DST: variants seen among roughly 807,000 people sequenced by gnomAD.
DST encodes dystonin, also known as bullous pemphigoid antigen.
Under a neutral mutation model 875.2 loss-of-function variants are expected in DST, and 253 were observed. The observed-to-expected ratio is 0.29, with a 90% CI of 0.26 to 0.32. The LOEUF (loss-of-function observed/expected upper bound fraction) is 0.32. DST is among the 10% of genes least tolerant of loss of function. DST has a pLI of 1.00. For synonymous variants in DST, 3,124 were observed against 3,197.1 expected (o/e 0.98, Z 0.77); for missense variants, 8,287 against 9,111.6 (o/e 0.91, Z 3.68).
rs553565569 is a variant in DST at position 56,481,908 on chromosome 6, A to C, written c.21531+142T>G. 404 of 890,198 alleles carry C rather than the reference A, an allele frequency of 4.5e-4. 1 individual carries two copies. The highest frequency in any genetic ancestry group is 6.5e-4 in the Non-Finnish European group (376 of 580,896). 55.1% of individuals were successfully genotyped at this position (890,198 alleles called of 1,614,324 possible). A position where few individuals can be genotyped will look rare whatever the true frequency, so the allele number is the denominator to read the frequency against. On this transcript the variant is annotated intron_variant, in intron 90 of 103. Coordinates refer to ENST00000680361, the MANE Select transcript of DST (RefSeq NM_001374736.1). The stretch of plus-strand genomic sequence containing the variant: ...ATACATATGTAAGCAATGTGGACAG[A>C]AGTACACTCTCAAATGTATCAGGTG...
chr6:56,759,803 T>C (rs527338328), intron 4 of DST, among the ~76,000 whole-genome samples: 76 of 152,238 alleles, frequency 5.0e-4, no homozygotes, highest in African/African-American at 1.7e-3. Flanking sequence ...AGCCTCTCAT[T>C]AAACAGCTAC....
intron 5 of DST, among the ~76,000 whole-genome samples, chr6:56,724,405 T>G (rs2099437204): frequency 6.6e-6 from 1 of 152,214 alleles, no homozygotes; most frequent in Non-Finnish European, 1.5e-5. Flanking sequence ...GTATTGGTGT[T>G]TGGAGATTCC....
Position 56,509,866 on chromosome 6 carries a change from T to C in DST, c.18788A>G (p.Asp6263Gly), listed in dbSNP as rs745569521. The change falls in exon 74 of 104, where the codon GAC becomes GGC. Residue 6263 changes from aspartate (D) to glycine (G), a missense_variant. This residue lies in a region of DST where 1,292 missense variants were observed against 1,552.7 expected (regional missense o/e 0.83). Coordinates refer to ENST00000680361, the MANE Select transcript of DST (RefSeq NM_001374736.1). ...EAISQSTQFH[D>G]KIDQILESLE... ...GCTCTCAAGGATCTGATCTATCTTG[T>C]CATGGAACTAGGGGCAAAACAAAGA... 8 of 1,600,932 alleles carry C rather than the reference T, an allele frequency of 5.0e-6. No individual in the cohort carries two copies. The highest frequency in any genetic ancestry group is 1.7e-4 in the Middle Eastern group (1 of 6,014).
At chr6:56,622,492 T>C (rs1461220773) in intron 36 of DST, among the ~76,000 whole-genome samples, 1 of 144,592 alleles carries the variant, frequency 6.9e-6, no homozygotes, top group Non-Finnish European at 1.5e-5. Context: ...AGTGAATTAC[T>C]TGAACCCAGG....
chr6:56,468,224 A>T (rs758201561), intron 98 of DST, among the ~76,000 whole-genome samples: 1 of 152,178 alleles, frequency 6.6e-6, no homozygotes, highest in Admixed American at 6.5e-5. Flanking sequence ...GTATCTCCTT[A>T]GTTTCAAAAT....
intron 3 of DST, among the ~76,000 whole-genome samples, chr6:56,876,190 G>A (rs1447176945): frequency 1.3e-5 from 2 of 152,114 alleles, no homozygotes; most frequent in African/African-American, 4.8e-5. Flanking sequence ...GAGGACTTTG[G>A]AACCTGACTC....
At chr6:56,521,849 C>T (rs1173205314) in intron 69 of DST, among the ~76,000 whole-genome samples, 3 of 151,958 alleles carry the variant, frequency 2.0e-5, no homozygotes, top group South Asian at 2.1e-4. Context: ...AAACATGGCT[C>T]ACTTTATATG....
intron 49 of DST, among the ~76,000 whole-genome samples, chr6:56,588,477 G>T (rs2098207150): frequency 6.6e-6 from 1 of 152,122 alleles, no homozygotes; most frequent in South Asian, 2.1e-4. Context: ...AATACCCTGT[G>T]ACTATTATTG....
intron 2 of DST, among the ~76,000 whole-genome samples, chr6:56,919,499 A>T (rs1802972957): frequency 6.6e-6 from 1 of 152,190 alleles, no homozygotes; most frequent in Non-Finnish European, 1.5e-5. Context: ...TTTCCTAAAT[A>T]TGTTAACTTT....
In DST at chr6:56,860,818, G is replaced by A. The variant is rs1427698571; in HGVS notation, c.418-9214C>T. ...TGTGTCACCTTAATAACAGCTCTCA[G>A]GATACAAAGTCCATGAGTTCCGTAT... On this transcript the variant is annotated intron_variant, in intron 3 of 103. Coordinates refer to ENST00000680361, the MANE Select transcript of DST (RefSeq NM_001374736.1). Among the ~76,000 whole-genome samples, 6 of 152,112 alleles carry A rather than the reference G, an allele frequency of 3.9e-5. No homozygotes were observed. The East Asian group carries it at 1.2e-3, about 29-fold the overall frequency.
At chr6:56,524,919 T>A (rs1224992795) in intron 69 of DST, among the ~76,000 whole-genome samples, 4 of 66,618 alleles carry the variant, frequency 6.0e-5, no homozygotes, top group African/African-American at 3.2e-4. Context: ...ACTAATTCTA[T>A]CAGAAAAAAA....
intron 9 of DST, among the ~76,000 whole-genome samples, chr6:56,681,908 C>A (rs1235060665): frequency 6.6e-6 from 1 of 152,168 alleles, no homozygotes; most frequent in East Asian, 1.9e-4. Flanking sequence ...AGCCCCCAAC[C>A]AATCCACCTA....
intron 4 of DST, 46 bp from the exon 5 acceptor site, chr6:56,735,335 G>C (rs2099518945): frequency 3.7e-6 from 4 of 1,075,092 alleles, no homozygotes; most frequent in Non-Finnish European, 5.5e-6. Context: ...TAAAATCTAT[G>C]AATAGATGAC....
chr6:56,614,118 T>C (rs2098585887), intron 37 of DST, among the ~76,000 whole-genome samples: 1 of 152,186 alleles, frequency 6.6e-6, no homozygotes, highest in Admixed American at 6.5e-5. Flanking sequence ...ACTGTATTCG[T>C]TTACTAAAAA....
At chr6:56,591,383 T>C (rs1350415221) in intron 49 of DST, among the ~76,000 whole-genome samples, 1 of 152,218 alleles carries the variant, frequency 6.6e-6, no homozygotes, top group Non-Finnish European at 1.5e-5. Flanking sequence ...TCCTGGTCCT[T>C]AGAACCGCTG....
chr6:56,705,389 A>G (rs1211590634), intron 5 of DST, among the ~76,000 whole-genome samples: 1 of 152,222 alleles, frequency 6.6e-6, no homozygotes, highest in Admixed American at 6.5e-5. Context: ...GTGAGTATAT[A>G]GCACAAAATA....
chr6:56,472,217 G>A lies in DST; in HGVS notation c.22000C>T (p.Arg7334Cys), dbSNP rs769938845. Residue 7334 changes from arginine (R) to cysteine (C), a missense_variant, in exon 94 of 104, where the codon CGC (arginine) becomes TGC (cysteine). Arg to Cys is a radical substitution (Grantham distance 180). This residue lies in a region of DST where 1,292 missense variants were observed against 1,552.7 expected (regional missense o/e 0.83). Coordinates refer to ENST00000680361, the MANE Select transcript of DST (RefSeq NM_001374736.1). Reference protein sequence around the residue: ...VLDKGRAGRKRFPASSLYPSG... With the variant: ...VLDKGRAGRKCFPASSLYPSG... ...GGATACAAGCTTGATGCTGGAAAGC[G>A]TTTTCCTGTGAAGGTATAACTTCGG... The A allele has an allele frequency of 1.7e-5, 27 of 1,613,502 alleles. No homozygotes were observed. The East Asian group carries it at 2.0e-4, about 12-fold the overall frequency.
intron 4 of DST, among the ~76,000 whole-genome samples, chr6:56,793,185 G>C (rs1168511732): frequency 6.6e-6 from 1 of 151,434 alleles, no homozygotes; most frequent in Non-Finnish European, 1.5e-5. Flanking sequence ...AGAAGTTAAA[G>C]GTTAGGGAAA....
At position 56,617,065 on chromosome 6, in the gene DST, C is replaced by T. The variant is rs770236010; in HGVS notation, c.4930-2581G>A. 5.0e-6 allele frequency: 8 copies of T among 1,614,000 alleles called. No individual in the cohort carries two copies. The highest frequency in any genetic ancestry group is 1.7e-5 in the Admixed American group (1 of 60,004). On this transcript the variant is annotated intron_variant, in intron 36 of 103. Transcript: ENST00000680361. ...AAAGCCCTGCAATTGAGGTGGCTTT[C>T]GTCAGAAACTTGTTAAGAGTTTTCT...
Sources: gnomAD v4.1 joint callset for allele counts (sites outside exome capture counted in the v4.1 genomes callset) on GRCh38, gnomAD v4.1.1 for gene constraint, gnomAD v4.1.1 regional missense constraint, MANE v1.5 for transcripts, NCBI Gene and HGNC (gene_info 2026-07-23, HGNC 2026-07-21) for gene names.